FCSK: variants seen among roughly 807,000 people sequenced by gnomAD.
The protein encoded by FCSK is fucose kinase.
A neutral mutation model predicts 122.5 loss-of-function variants in FCSK; 123 were observed. The observed-to-expected ratio is 1.00, with a 90% CI of 0.87 to 1.17. The LOEUF is 1.17. Ranked by LOEUF, FCSK falls within the 50% of genes most tolerant of loss-of-function variation. FCSK has a pLI of 0.00. For synonymous variants in FCSK, 620 were observed against 625.5 expected, an observed-to-expected ratio of 0.99 and a Z score of 0.13; for missense variants, 1,366 against 1,450.4, an observed-to-expected ratio of 0.94 and a Z score of 0.95.
intron 20 of FCSK, 154 bp downstream of exon 20, chr16:70,475,921 C>T (rs2048797750): frequency 1.3e-6 from 1 of 788,868 alleles, no homozygotes; most frequent in Non-Finnish European, 1.8e-6. Flanking sequence ...CTTTGACCTT[C>T]TCTGGTCGTT....
chr16:70,479,420 G>C lies in FCSK; in HGVS notation c.3153+17G>C, dbSNP rs1473106482. The C allele has an allele frequency of 6.2e-7, 1 of 1,604,468 alleles. No individual in the cohort carries two copies. The highest frequency in any genetic ancestry group is 2.2e-5 in the East Asian group (1 of 44,690). ...AAGACCGAGGTACTGATGGGGCTGG[G>C]GTTGGTAAAGAGACCTCTGGGGGCA... On this transcript the variant is annotated intron_variant, in intron 23 of 23. Coordinates refer to ENST00000288078, the MANE Select transcript of FCSK (RefSeq NM_145059.3).
intron 19 of FCSK, 75 bp from the exon 20 acceptor site, chr16:70,475,573 G>A (rs550030573): frequency 1.6e-5 from 25 of 1,580,614 alleles, no homozygotes; most frequent in Middle Eastern, 1.7e-4. Context: ...CCTGGCCTCT[G>A]CCCTTAGACG....
intron 10 of FCSK, 133 bp from the exon 11 acceptor site, chr16:70,470,181 C>A (rs892897531): frequency 3.0e-6 from 2 of 666,854 alleles, no homozygotes; most frequent in African/African-American, 3.6e-5. Context: ...TGGCTTTGGG[C>A]AGGTTCCTGA....
At chr16:70,463,055 G>A in intron 1 of FCSK, 114 bp from the exon 2 acceptor site, 1 of 625,320 alleles carries the variant, frequency 1.6e-6, no homozygotes, top group South Asian at 2.3e-5. Context: ...TGTAGATGGT[G>A]ATACCAACAC....
chr16:70,471,273 T>G lies in FCSK; in HGVS notation c.1262T>G (p.Val421Gly). The G allele has an allele frequency of 6.2e-7, 1 of 1,609,254 alleles. No homozygotes were observed. Among genetic ancestry groups the G allele is most frequent in the Non-Finnish European group, 8.5e-7 (1 of 1,178,564 alleles). The change falls in exon 13 of 24, where the codon GTC becomes GGC. Residue 421 changes from valine to glycine, a missense_variant. Physicochemically the swap from Val to Gly is moderately radical, Grantham distance 109. Coordinates refer to ENST00000288078, the MANE Select transcript of FCSK (RefSeq NM_145059.3). ...ALHGRELRDL[V>G]LQGHHTRLHG... ...CATGGCCGGGAGCTGCGTGACCTTGTCCTGCAGGGACACCACACGCGGCTA... is the reference window on the plus strand; with the variant it reads ...CATGGCCGGGAGCTGCGTGACCTTGGCCTGCAGGGACACCACACGCGGCTA...
rs577562228 is a variant in FCSK at position 70,478,547 on chromosome 16, G to T, written c.2830-4G>T. The T allele has an allele frequency of 6.2e-7, 1 of 1,613,610 alleles. No individual in the cohort carries two copies. Among genetic ancestry groups the T allele is most frequent in the East Asian group, 2.2e-5 (1 of 44,884 alleles). ...CACCACCCCTTCTCCTGCCCCGTCCGCAGGATGTGCTGAGGAGCTGGTATG... is the reference window on the plus strand; with the variant it reads ...CACCACCCCTTCTCCTGCCCCGTCCTCAGGATGTGCTGAGGAGCTGGTATG... On this transcript the variant is annotated splice_polypyrimidine_tract_variant and splice_region_variant and intron_variant, in intron 21 of 23. Coordinates refer to ENST00000288078, the MANE Select transcript of FCSK (RefSeq NM_145059.3).
At position 70,478,400 on chromosome 16, in the gene FCSK, A is replaced by G. The variant is rs773162023; in HGVS notation, c.2770A>G (p.Asn924Asp). The G allele has an allele frequency of 3.7e-6, 6 of 1,614,142 alleles. No homozygotes were observed. Among genetic ancestry groups the G allele is most frequent in the Non-Finnish European group, 5.1e-6 (6 of 1,180,014 alleles). The change falls in exon 21 of 24, where the codon AAT becomes GAT. Residue 924 changes from asparagine (N) to aspartate (D), a missense_variant. By Grantham distance (23) the Asn-to-Asp change is conservative. Coordinates refer to ENST00000288078, the MANE Select transcript of FCSK (RefSeq NM_145059.3). ...TVPEGFVQKL[N>D]DHLLLVYTGK... Reference sequence around the variant, plus strand: ...GCCTGAGGGCTTTGTCCAGAAGCTCAATGACCACCTGCTCTTGGTGTACAC... The same window carrying G: ...GCCTGAGGGCTTTGTCCAGAAGCTCGATGACCACCTGCTCTTGGTGTACAC...
At position 70,478,420 on chromosome 16, in the gene FCSK, G is replaced by A; in HGVS notation, c.2790G>A (p.Val930=). 6 of 1,614,200 alleles carry A rather than the reference G, an allele frequency of 3.7e-6. No individual in the cohort carries two copies. Among genetic ancestry groups the A allele is most frequent in the Non-Finnish European group, 5.1e-6 (6 of 1,180,052 alleles). Residue 930 remains valine, a synonymous_variant, in exon 21 of 24, where the codon GTG becomes GTA. Transcript: ENST00000288078. ...AGCTCAATGACCACCTGCTCTTGGT[G>A]TACACTGGCAAGACCCGCCTGGCTC... ...VQKLNDHLLL[V]YTGKTRLARN... is the part of the protein sequence containing the mutation.
At chr16:70,475,915 G>T in intron 20 of FCSK, 148 bp downstream of exon 20, 1 of 830,068 alleles carries the variant, frequency 1.2e-6, no homozygotes, top group Non-Finnish European at 1.7e-6. Context: ...TAGTCACTTT[G>T]ACCTTCTCTG....
intron 18 of FCSK, 88 bp downstream of exon 18, chr16:70,475,099 C>T: frequency 2.3e-6 from 3 of 1,284,426 alleles, no homozygotes; most frequent in Middle Eastern, 2.6e-4. Flanking sequence ...TGGGGTCTGG[C>T]CTGAGGGCCA....
In FCSK at chr16:70,468,891, C is replaced by T. The variant is rs752432786; in HGVS notation, c.706C>T (p.Leu236Phe). Residue 236 changes from leucine (L) to phenylalanine (F), a missense_variant, in exon 9 of 24, where the codon CTC (leucine) becomes TTC (phenylalanine). Transcript: ENST00000288078. Reference protein sequence around the residue: ...VFFSVETAERLLATHVSPPLD... With the variant: ...VFFSVETAERFLATHVSPPLD... ...CTTCTCTGTGGAGACTGCCGAGCGCCTCCTAGCCACCCACGTGAGCCCGCC... is the reference window on the plus strand; with the variant it reads ...CTTCTCTGTGGAGACTGCCGAGCGCTTCCTAGCCACCCACGTGAGCCCGCC... 3.1e-6 allele frequency: 5 copies of T among 1,613,948 alleles called. No individual in the cohort carries two copies. Among genetic ancestry groups the T allele is most frequent in the African/African-American group, 2.7e-5 (2 of 74,942 alleles).
At chr16:70,476,758 A>G (rs543410154) in intron 20 of FCSK, among the ~76,000 whole-genome samples, 4 of 152,302 alleles carry the variant, frequency 2.6e-5, no homozygotes, top group Admixed American at 6.5e-5. Context: ...ATATCCCATA[A>G]TCGGTAGTCA....
In FCSK at chr16:70,474,490, G is replaced by A. The variant is rs996438662; in HGVS notation, c.1989-38G>A. On this transcript the variant is annotated intron_variant, in intron 16 of 23. Coordinates refer to ENST00000288078, the MANE Select transcript of FCSK (RefSeq NM_145059.3). ...AGCCAGGCAATCTGCCCCCAGCTTG[G>A]GGCTGCATGCCACCATCCCTCCCCC... The A allele has an allele frequency of 2.6e-6, 4 of 1,546,234 alleles. No homozygotes were observed. The African/African-American group carries it at 4.1e-5, about 16-fold the overall frequency.
At position 70,479,733 on chromosome 16, in the gene FCSK, C is replaced by G; in HGVS notation, c.*53C>G. The G allele has an allele frequency of 7.0e-7, 1 of 1,435,988 alleles. No homozygotes were observed. Among genetic ancestry groups the G allele is most frequent in the Non-Finnish European group, 9.7e-7 (1 of 1,032,886 alleles). 89.0% of individuals were successfully genotyped at this position (1,435,988 alleles called of 1,614,324 possible). ...AACCTGGAGCTACAGTGTCCCCCAC[C>G]TTCCTTGCCCCATGGGAACCTCCAC... On this transcript the variant is annotated 3_prime_UTR_variant, in exon 24 of 24. Coordinates refer to ENST00000288078, the MANE Select transcript of FCSK (RefSeq NM_145059.3).
intron 6 of FCSK, 76 bp from the exon 7 acceptor site, chr16:70,467,298 C>T: frequency 9.3e-7 from 1 of 1,071,610 alleles, no homozygotes; most frequent in South Asian, 1.4e-5. Flanking sequence ...GCCCTGGGCT[C>T]TTGCTTCCAC....
chr16:70,473,393 G>A lies in FCSK; in HGVS notation c.1777+40G>A. ...TGGTAGTGCTGCAGAATCAGGCCAG[G>A]GGCACCTGCCCTCCCTGTCCTCTGG... On this transcript the variant is annotated intron_variant, in intron 15 of 23. Transcript: ENST00000288078. The surrounding 1 kb of genome is among the most constrained non-coding windows in gnomAD (Gnocchi z 4.9). 1.4e-6 allele frequency: 2 copies of A among 1,458,348 alleles called. No individual in the cohort carries two copies. The highest frequency in any genetic ancestry group is 4.9e-5 in the Admixed American group (2 of 40,560). The allele number at this position is 1,458,348 out of a possible 1,614,324, so 90.3% of individuals were successfully genotyped here.
chr16:70,474,786 A>T lies in FCSK; in HGVS notation c.2156-4A>T. On this transcript the variant is annotated splice_region_variant and splice_polypyrimidine_tract_variant and intron_variant, in intron 17 of 23. Transcript: ENST00000288078. Reference sequence around the variant, plus strand: ...CCAGCTTGAGTCTTGCCACACTGCCATAGGGGGCTGGAGTGACACGCCACC... The same window carrying T: ...CCAGCTTGAGTCTTGCCACACTGCCTTAGGGGGCTGGAGTGACACGCCACC... 6.4e-7 allele frequency: 1 copy of T among 1,567,174 alleles called. No homozygotes were observed. Among genetic ancestry groups the T allele is most frequent in the Non-Finnish European group, 8.7e-7 (1 of 1,155,846 alleles).
chr16:70,477,710 A>C (rs2048860350), intron 20 of FCSK: 1 of 154,176 alleles, frequency 6.5e-6, no homozygotes, highest in Non-Finnish European at 1.4e-5. Flanking sequence ...AGGTCAGTGT[A>C]AAATATGTAT....
Position 70,471,245 on chromosome 16 carries a change from C to T in FCSK, c.1234C>T (p.Leu412=), listed in dbSNP as rs764876210. The T allele has an allele frequency of 9.3e-6, 15 of 1,610,800 alleles. No homozygotes were observed. Among genetic ancestry groups the T allele is most frequent in the Non-Finnish European group, 1.2e-5 (14 of 1,179,272 alleles). ...CCTGGATACAGCCCACTCCAAGGCC[C>T]TGCATGGCCGGGAGCTGCGTGACCT... ...TGLDTAHSKA[L]HGRELRDLVL... is the part of the protein sequence containing the mutation. The change falls in exon 13 of 24, where the codon CTG becomes TTG. Residue 412 remains leucine, a synonymous_variant. Coordinates refer to ENST00000288078, the MANE Select transcript of FCSK (RefSeq NM_145059.3).
Sources: allele counts gnomAD v4.1 joint callset (sites outside exome capture counted in the v4.1 genomes callset), GRCh38; gene constraint gnomAD v4.1.1; non-coding constraint Gnocchi (gnomAD v3.1); transcripts MANE v1.5; gene names NCBI Gene and HGNC (gene_info 2026-07-23, HGNC 2026-07-21).